The following CDKAL1 variants were observed in gnomAD, a reference collection of about 807,000 sequenced individuals.
CDKAL1 encodes CDKAL1 threonylcarbamoyladenosine tRNA methylthiotransferase, also known as threonylcarbamoyladenosine tRNA methylthiotransferase.
Under a neutral mutation model 68.2 loss-of-function variants are expected in CDKAL1, and 32 were observed. That is an observed-to-expected ratio of 0.47 (90% CI 0.35 to 0.63). The LOEUF (loss-of-function observed/expected upper bound fraction) is 0.63, where lower values mean the gene tolerates loss of function less well. Ranked by LOEUF, CDKAL1 falls within the 30% of genes least tolerant of loss-of-function variation. CDKAL1 has a pLI of 0.00. For missense variants in CDKAL1, 606 were observed against 696.7 expected (o/e 0.87, Z 1.47); for synonymous variants, 234 against 244.3 (o/e 0.96, Z 0.39).
At chr6:21,156,855 G>T (rs7761116) in intron 13 of CDKAL1, among the ~76,000 whole-genome samples, 1 of 152,146 alleles carries the variant, frequency 6.6e-6, no homozygotes, top group Non-Finnish European at 1.5e-5. Flanking sequence ...CCTTCTAAGA[G>T]TATCAAACTG....
chr6:20,790,780 C>T lies in CDKAL1; in HGVS notation c.638+9515C>T, dbSNP rs1437297427. Among the ~76,000 whole-genome samples the T allele has an allele frequency of 2.0e-5, 3 of 152,080 alleles. No homozygotes were observed. The East Asian group carries it at 5.8e-4, about 29-fold the overall frequency. ...TGGACAGGGGATGCAGGGGGTGGTC[C>T]CCCCACCCCTGTAGTTGGGTGGTTT... On this transcript the variant is annotated intron_variant, in intron 8 of 15. Coordinates refer to ENST00000274695, the MANE Select transcript of CDKAL1 (RefSeq NM_017774.3).
intron 11 of CDKAL1, among the ~76,000 whole-genome samples, chr6:21,059,900 C>G (rs1206824276): frequency 6.6e-6 from 1 of 151,988 alleles, no homozygotes; most frequent in Middle Eastern, 3.2e-3. Flanking sequence ...GTTTTTTTAT[C>G]CCTCGCTCCT....
chr6:20,872,539 T>C (rs1416129054), intron 9 of CDKAL1, among the ~76,000 whole-genome samples: 1 of 152,168 alleles, frequency 6.6e-6, no homozygotes, highest in Non-Finnish European at 1.5e-5. Context: ...GGAGAAATAA[T>C]ATGAGCAAAT....
At chr6:21,128,400 T>G (rs538369806) in intron 13 of CDKAL1, among the ~76,000 whole-genome samples, 1 of 152,240 alleles carries the variant, frequency 6.6e-6, no homozygotes. Context: ...CCACATCATA[T>G]GTTGAGAATC....
intron 4 of CDKAL1, among the ~76,000 whole-genome samples, chr6:20,619,295 A>G (rs1468727328): frequency 6.6e-6 from 1 of 152,254 alleles, no homozygotes; most frequent in African/African-American, 2.4e-5. Context: ...GAGTAAATTC[A>G]GGAGAACCAT....
intron 4 of CDKAL1, among the ~76,000 whole-genome samples, chr6:20,600,335 G>T (rs1766027607): frequency 6.6e-6 from 1 of 152,090 alleles, no homozygotes. Flanking sequence ...ATTTACAAAG[G>T]TTGATTACTT....
intron 9 of CDKAL1, among the ~76,000 whole-genome samples, chr6:20,873,819 G>C (rs1760346894): frequency 6.6e-6 from 1 of 152,154 alleles, no homozygotes; most frequent in Admixed American, 6.5e-5. Context: ...AAATCTAAGA[G>C]ACCAGGTTTC....
intron 8 of CDKAL1, among the ~76,000 whole-genome samples, chr6:20,827,452 C>A (rs1474107554): frequency 6.6e-6 from 1 of 152,002 alleles, no homozygotes; most frequent in Non-Finnish European, 1.5e-5. Flanking sequence ...GCAAAGAAAC[C>A]TTTACTTATG....
intron 8 of CDKAL1, among the ~76,000 whole-genome samples, chr6:20,821,461 A>G (rs1777275832): frequency 6.6e-6 from 1 of 152,122 alleles, no homozygotes; most frequent in Non-Finnish European, 1.5e-5. Context: ...CTGGCATCCC[A>G]AAGCCTGGTT....
At chr6:21,113,494 G>T (rs761726975) in intron 13 of CDKAL1, among the ~76,000 whole-genome samples, 6 of 151,694 alleles carry the variant, frequency 4.0e-5, no homozygotes, top group Admixed American at 3.3e-4. Context: ...AAAAAACGGG[G>T]TTTTTTTGTT....
At chr6:21,095,610 C>T (rs907871753) in intron 12 of CDKAL1, among the ~76,000 whole-genome samples, 4 of 151,164 alleles carry the variant, frequency 2.6e-5, no homozygotes, top group Non-Finnish European at 5.9e-5. Context: ...TACCTGTACC[C>T]CTCCTGCCGA....
chr6:20,688,322 G>A (rs764422017), intron 5 of CDKAL1, among the ~76,000 whole-genome samples: 10 of 151,916 alleles, frequency 6.6e-5, no homozygotes, highest in Non-Finnish European at 1.5e-4. Flanking sequence ...TATTTCTGCT[G>A]TTCCTTTATC....
chr6:20,550,664 G>A (rs573518218), intron 4 of CDKAL1, among the ~76,000 whole-genome samples: 1 of 152,120 alleles, frequency 6.6e-6, no homozygotes, highest in South Asian at 2.1e-4. Context: ...TAGGAATTAT[G>A]TATGAATAGT....
chr6:20,868,441 A>G (rs897936027), intron 9 of CDKAL1, among the ~76,000 whole-genome samples: 12 of 152,194 alleles, frequency 7.9e-5, no homozygotes, highest in East Asian at 1.9e-4. Flanking sequence ...CTGCTCCCCA[A>G]TAGCCATTGT....
chr6:20,908,996 T>C (rs1157963164), intron 9 of CDKAL1, among the ~76,000 whole-genome samples: 1 of 152,204 alleles, frequency 6.6e-6, no homozygotes, highest in Non-Finnish European at 1.5e-5. Flanking sequence ...TTTCAATGCA[T>C]TTTTGAACGT....
intron 13 of CDKAL1, among the ~76,000 whole-genome samples, chr6:21,195,488 T>A (rs1204009350): frequency 1.8e-5 from 2 of 109,914 alleles, no homozygotes; most frequent in African/African-American, 2.9e-5. Flanking sequence ...TTTATTTATT[T>A]ATTTATTTAT....
intron 2 of CDKAL1, among the ~76,000 whole-genome samples, chr6:20,542,575 C>A (rs1044727579): frequency 1.5e-5 from 2 of 129,184 alleles, no homozygotes; most frequent in Non-Finnish European, 3.0e-5. Flanking sequence ...CGAGTGTATT[C>A]CCCCCCCATT....
intron 10 of CDKAL1, among the ~76,000 whole-genome samples, chr6:20,982,048 CTTATTTATTTATTTATTTATTTAT>C (rs35693086): frequency 6.8e-6 from 1 of 146,970 alleles, no homozygotes; most frequent in Non-Finnish European, 1.5e-5. Flanking sequence ...GAAGGAAATT[CTTATTTATTTATTTATTTATTTAT>C]TTATTTATTT....
intron 5 of CDKAL1, among the ~76,000 whole-genome samples, chr6:20,653,795 T>G (rs1300611177): frequency 1.3e-5 from 2 of 152,144 alleles, no homozygotes; most frequent in Admixed American, 1.3e-4. Context: ...TTGTTTTTAG[T>G]AGAGATGGAG....
Sources: gnomAD v4.1 joint callset for allele counts (sites outside exome capture counted in the v4.1 genomes callset) on GRCh38, gnomAD v4.1.1 for gene constraint, MANE v1.5 for transcripts, NCBI Gene and HGNC (gene_info 2026-07-23, HGNC 2026-07-21) for gene names.